TP53BP1: variants seen among roughly 807,000 people sequenced by gnomAD.
The protein encoded by TP53BP1 is TP53-binding protein 1.
Under a neutral mutation model 200.8 loss-of-function variants are expected in TP53BP1, and 61 were observed. That is an observed-to-expected ratio of 0.30 (90% CI 0.25 to 0.38). The LOEUF is 0.38. TP53BP1 is among the 10% of genes least tolerant of loss of function. The pLI is 1.00. For synonymous variants in TP53BP1, 822 were observed against 844.3 expected, an observed-to-expected ratio of 0.97 and a Z score of 0.46; for missense variants, 2,144 against 2,371.9, an observed-to-expected ratio of 0.90 and a Z score of 2.00.
intron 4 of TP53BP1, among the ~76,000 whole-genome samples, chr15:43,482,080 T>A (rs529325095): frequency 6.6e-6 from 1 of 150,598 alleles, no homozygotes; most frequent in East Asian, 2.0e-4. Context: ...TACAAAAAAA[T>A]TAGCTGGGCG....
Position 43,469,882 on chromosome 15 carries a change from G to A in TP53BP1, c.1365C>T (p.Ile455=), listed in dbSNP as rs774963780. 1.3e-6 allele frequency: 2 copies of A among 1,585,556 alleles called. No individual in the cohort carries two copies. Among genetic ancestry groups the A allele is most frequent in the Admixed American group, 3.4e-5 (2 of 59,598 alleles). The change falls in exon 11 of 28, where the codon ATC becomes ATT. Residue 455 remains isoleucine, a synonymous_variant. Coordinates refer to ENST00000382044, the MANE Select transcript of TP53BP1 (RefSeq NM_001141980.3). ...CATGAGAAAACTGAGGCTGGGATGG[G>A]ATAGGAAGTGACCCAGGAGGGAAGA... ...TPVFPPGSLP[I]PSQPQFSHDI...
chr15:43,432,160 A>T (rs767394599), intron 17 of TP53BP1, 34 bp downstream of exon 17: 2 of 1,571,822 alleles, frequency 1.3e-6, no homozygotes, highest in Admixed American at 3.9e-5. Context: ...AGTTAAAAAC[A>T]AGGCCTCTGA....
At chr15:43,411,527 A>G (rs1036973462) in intron 24 of TP53BP1, among the ~76,000 whole-genome samples, 1 of 152,266 alleles carries the variant, frequency 6.6e-6, no homozygotes, top group African/African-American at 2.4e-5. Context: ...CTTAAAAACT[A>G]TAATTCTGTA....
At chr15:43,476,137 C>T (rs1244251922) in intron 8 of TP53BP1, among the ~76,000 whole-genome samples, 3 of 152,212 alleles carry the variant, frequency 2.0e-5, no homozygotes, top group South Asian at 2.1e-4. Flanking sequence ...TGGTGGTATG[C>T]GCCTGTAATC....
intron 10 of TP53BP1, among the ~76,000 whole-genome samples, chr15:43,473,799 A>G (rs1256452938): frequency 6.6e-6 from 1 of 152,258 alleles, no homozygotes; most frequent in East Asian, 1.9e-4. Context: ...TCAGCAGCCC[A>G]GCTGGCTTCA....
chr15:43,407,837 G>A (rs2044964199), intron 27 of TP53BP1, 106 bp downstream of exon 27: 2 of 1,173,026 alleles, frequency 1.7e-6, no homozygotes, highest in Admixed American at 2.3e-5. Flanking sequence ...TAAGAAACAT[G>A]GATACGGTCA....
At chr15:43,448,268 G>A (rs953344462) in intron 12 of TP53BP1, among the ~76,000 whole-genome samples, 26 of 151,998 alleles carry the variant, frequency 1.7e-4, no homozygotes, top group African/African-American at 4.6e-4. Context: ...CTAGAAAACC[G>A]TCAAAAAATC....
intron 27 of TP53BP1, 151 bp from the exon 28 acceptor site, chr15:43,407,721 C>CA (rs1194039188): frequency 1.8e-5 from 15 of 831,856 alleles, no homozygotes; most frequent in Non-Finnish European, 2.8e-5. Context: ...TGACCAAAGG[C>CA]AGAGTTATAA....
rs546847016 is a variant in TP53BP1 at position 43,490,659 on chromosome 15, T to C, written c.371+1010A>G. 3.9e-5 allele frequency among the ~76,000 whole-genome samples: 6 copies of C among 152,170 alleles called. No individual in the cohort carries two copies. In the South Asian group the frequency reaches 1.2e-3, roughly 31 times the overall value. ...ACATTCTCCTTGGACCTTAGAAATA[T>C]TGGGGCGGAAGACTGAGAAGCACTG... On this transcript the variant is annotated intron_variant, in intron 4 of 27. Transcript: ENST00000382044.
At chr15:43,417,964 G>A (rs1303719887) in intron 21 of TP53BP1, among the ~76,000 whole-genome samples, 2 of 151,982 alleles carry the variant, frequency 1.3e-5, no homozygotes, top group African/African-American at 2.4e-5. Context: ...TGGATGGCTT[G>A]AGGTCAGGAA....
At chr15:43,461,184 CAA>C (rs1379934270) in intron 11 of TP53BP1, among the ~76,000 whole-genome samples, 2 of 151,746 alleles carry the variant, frequency 1.3e-5, no homozygotes, top group Non-Finnish European at 2.9e-5. Flanking sequence ...GAATAGGAAA[CAA>C]TATGAAATAC....
chr15:43,492,192 G>C, intron 2 of TP53BP1, 92 bp downstream of exon 2: 1 of 1,500,198 alleles, frequency 6.7e-7, no homozygotes, highest in East Asian at 2.3e-5. Flanking sequence ...ACTTTATTGA[G>C]AAGGTAATGA....
chr15:43,510,626 G>C, upstream of TP53BP1: 1 of 264,542 alleles, frequency 3.8e-6, no homozygotes, highest in Non-Finnish European at 7.2e-6. Context: ...GTTCGGGCGA[G>C]GCTGCGGAAT....
At chr15:43,494,417 C>T (rs1359170106), upstream of TP53BP1, among the ~76,000 whole-genome samples, 5 of 152,170 alleles carry the variant, frequency 3.3e-5, no homozygotes, top group African/African-American at 7.2e-5. Context: ...TCTGAATACA[C>T]GTTACTTATG....
At chr15:43,482,713 A>C in intron 4 of TP53BP1, among the ~76,000 whole-genome samples, 1 of 152,140 alleles carries the variant, frequency 6.6e-6, no homozygotes, top group East Asian at 1.9e-4. Flanking sequence ...GGTTGCAGTG[A>C]GCCAAGATCA....
intron 11 of TP53BP1, among the ~76,000 whole-genome samples, chr15:43,463,382 T>C (rs1306550758): frequency 6.6e-6 from 1 of 152,180 alleles, no homozygotes; most frequent in Non-Finnish European, 1.5e-5. Flanking sequence ...CATATTTAAA[T>C]CTTACAACAT....
Position 43,469,976 on chromosome 15 carries a change from T to A in TP53BP1, c.1271A>T (p.Asn424Ile). 1 of 1,611,570 alleles carries A rather than the reference T, an allele frequency of 6.2e-7. No individual in the cohort carries two copies. Reference protein sequence around the residue: ...LQSGEPVELENPPLLPESTVS... With the variant: ...LQSGEPVELEIPPLLPESTVS... ...AGTGGACTCAGGCAGGAGAGGGGGG[T>A]TTTCTAACTCCACTGGTTCACCACT... The change falls in exon 11 of 28, where the codon AAC becomes ATC. Residue 424 changes from asparagine to isoleucine, a missense_variant. Asn to Ile is a moderately radical substitution (Grantham distance 149). Coordinates refer to ENST00000382044, the MANE Select transcript of TP53BP1 (RefSeq NM_001141980.3).
Position 43,491,772 on chromosome 15 carries a change from T to C in TP53BP1, c.287-19A>G. ...ACAGGGTCTGAAAAAAATAACTGGA[T>C]ATTAGCATGAAAGACATTTACCAAC... On this transcript the variant is annotated intron_variant, in intron 3 of 27. Coordinates refer to ENST00000382044, the MANE Select transcript of TP53BP1 (RefSeq NM_001141980.3). 1 of 1,591,300 alleles carries C rather than the reference T, an allele frequency of 6.3e-7. No individual in the cohort carries two copies. The highest frequency in any genetic ancestry group is 8.6e-7 in the Non-Finnish European group (1 of 1,159,420).
rs1217157797 is a variant in TP53BP1, at chr15:43,416,407, T to C, written c.4691A>G (p.Lys1564Arg). 1 of 1,614,016 alleles carries C rather than the reference T, an allele frequency of 6.2e-7. No homozygotes were observed. Among genetic ancestry groups the C allele is most frequent in the South Asian group, 1.1e-5 (1 of 91,080 alleles). ...TTCCCCAGACTCCTTCCTATGTCCT[T>C]TCACCACTCCTGGGGGGTGGAAAGC... ...EDEYFSAGVV[K>R]GHRKESGELY... Residue 1564 changes from lysine to arginine, a missense_variant, in exon 22 of 28, where the codon AAA becomes AGA. Lys to Arg is a conservative substitution (Grantham distance 26). Coordinates refer to ENST00000382044, the MANE Select transcript of TP53BP1 (RefSeq NM_001141980.3).
Sources: gnomAD v4.1 joint callset for allele counts (sites outside exome capture counted in the v4.1 genomes callset) on GRCh38, gnomAD v4.1.1 for gene constraint, MANE v1.5 for transcripts, NCBI Gene and HGNC (gene_info 2026-07-23, HGNC 2026-07-21) for gene names.